KCNQ5: variants seen among roughly 807,000 people sequenced by gnomAD.
KCNQ5 encodes potassium voltage-gated channel subfamily KQT member 5.
KCNQ5 carries 30 observed loss-of-function variants against 98.2 expected under a neutral mutation model. The observed-to-expected ratio is 0.31, with a 90% confidence interval of 0.23 to 0.41. KCNQ5 has a LOEUF of 0.41. Among genes scored for constraint, KCNQ5 ranks in the 10% least tolerant of loss-of-function variants. The pLI, the probability that KCNQ5 is intolerant of heterozygous loss-of-function variation, is 1.00. For synonymous variants in KCNQ5, 458 were observed against 449.4 expected, an observed-to-expected ratio of 1.02 and a Z score of -0.24; for missense variants, 835 against 1,182.5, an observed-to-expected ratio of 0.71 and a Z score of 4.31.
chr6:72,924,609 A>G (rs1034545045), intron 1 of KCNQ5, among the ~76,000 whole-genome samples: 2 of 152,188 alleles, frequency 1.3e-5, no homozygotes, highest in Non-Finnish European at 2.9e-5. Flanking sequence ...GCTCTCACGC[A>G]GGTGGAAGAC....
intron 1 of KCNQ5, among the ~76,000 whole-genome samples, chr6:72,812,231 G>A (rs375165359): frequency 3.4e-4 from 51 of 152,198 alleles, no homozygotes; most frequent in Middle Eastern, 6.8e-3. Context: ...TATGATACTA[G>A]TCCTGCCGAC....
chr6:72,655,018 G>GTCGGTCTTTCTTTCCCTCTT (rs1554683229), intron 1 of KCNQ5, among the ~76,000 whole-genome samples: 5 of 90,594 alleles, frequency 5.5e-5, no homozygotes, highest in Non-Finnish European at 1.0e-4. Flanking sequence ...AATAGCCAAG[G>GTCGGTCTTTCTTTCCCTCTT]TCTGTCTGTC....
rs575589981 is a variant in KCNQ5, at chr6:72,795,899, C to T, written c.398+173312C>T. Among the ~76,000 whole-genome samples, 8 of 151,784 alleles carry T rather than the reference C, an allele frequency of 5.3e-5. 1 individual carries two copies. In the South Asian group the frequency reaches 1.7e-3, roughly 32 times the overall value. On this transcript the variant is annotated intron_variant, in intron 1 of 13. Coordinates refer to ENST00000370398, the MANE Select transcript of KCNQ5 (RefSeq NM_019842.4). ...TTTTTGTATATATATATATATGTTC[C>T]TCTGCTCACTATTTCTCCTAATTAT...
rs1400702332 is a variant in KCNQ5, at chr6:72,811,070, A to G, written c.398+188483A>G. ...AAACTCATGCATGGCATCATTGCAC[A>G]TGGCATTGCTCAAGCACAGATCTCG... On this transcript the variant is annotated intron_variant, in intron 1 of 13. Transcript: ENST00000370398. Among the ~76,000 whole-genome samples the G allele has an allele frequency of 4.6e-5, 7 of 152,230 alleles. No homozygotes were observed. The East Asian group carries it at 1.2e-3, about 25-fold the overall frequency.
At chr6:73,068,426 T>G (rs990361461) in intron 3 of KCNQ5, among the ~76,000 whole-genome samples, 1 of 152,218 alleles carries the variant, frequency 6.6e-6, no homozygotes, top group Non-Finnish European at 1.5e-5. Context: ...TTCTAAGACA[T>G]AATGTTTTGT....
At chr6:72,828,061 GTTCTTTATTCTGT>G (rs1266221724) in intron 1 of KCNQ5, among the ~76,000 whole-genome samples, 1 of 152,050 alleles carries the variant, frequency 6.6e-6, no homozygotes, top group African/African-American at 2.4e-5. Flanking sequence ...TAATTGTTGG[GTTCTTTATTCTGT>G]TCCATTCTTC....
intron 1 of KCNQ5, among the ~76,000 whole-genome samples, chr6:72,839,837 A>G (rs1215546533): frequency 2.6e-5 from 4 of 152,246 alleles, no homozygotes; most frequent in Non-Finnish European, 5.9e-5. Flanking sequence ...CTCAAAATAT[A>G]TAATACAACA....
intron 1 of KCNQ5, among the ~76,000 whole-genome samples, chr6:72,997,556 A>C (rs886815356): frequency 6.6e-6 from 1 of 151,432 alleles, no homozygotes; most frequent in Non-Finnish European, 1.5e-5. Context: ...CGGGCGGATC[A>C]CGAGGTCAGA....
chr6:72,818,176 T>A (rs1775586285), intron 1 of KCNQ5, among the ~76,000 whole-genome samples: 1 of 152,160 alleles, frequency 6.6e-6, no homozygotes, highest in Non-Finnish European at 1.5e-5. Context: ...CATTCACACA[T>A]ACTTATTTAA....
intron 11 of KCNQ5, among the ~76,000 whole-genome samples, chr6:73,172,547 G>T (rs1405698860): frequency 6.6e-6 from 1 of 152,094 alleles, no homozygotes; most frequent in Non-Finnish European, 1.5e-5. Context: ...AAGTTTGCAG[G>T]TATAAGTCCT....
intron 1 of KCNQ5, among the ~76,000 whole-genome samples, chr6:72,775,579 AGAAAAATAAC>A (rs780329345): frequency 0.6 from 90,459 of 151,858 alleles, 26,941 homozygotes; most frequent in Admixed American, 0.63. Flanking sequence ...ACAGGAGGGG[AGAAAAATAAC>A]TTTACAGTGG....
intron 1 of KCNQ5, among the ~76,000 whole-genome samples, chr6:72,771,604 T>C (rs892579219): frequency 1.3e-5 from 2 of 152,028 alleles, no homozygotes; most frequent in Middle Eastern, 3.4e-3. Flanking sequence ...AGGGTAACTA[T>C]GTGAGATGAT....
At chr6:73,001,886 G>A (rs942961934) in intron 1 of KCNQ5, among the ~76,000 whole-genome samples, 2 of 152,138 alleles carry the variant, frequency 1.3e-5, no homozygotes, top group Admixed American at 1.3e-4. Context: ...TTGGGAGGCT[G>A]AGGTGGGAGG....
At chr6:72,962,198 T>TAC (rs1221075114) in intron 1 of KCNQ5, among the ~76,000 whole-genome samples, 11 of 101,738 alleles carry the variant, frequency 1.1e-4, no homozygotes, top group African/African-American at 3.6e-4. Context: ...TATATATATA[T>TAC]ATACATATAT....
In KCNQ5 at chr6:73,003,986, C is replaced by T. The variant is rs1248428433; in HGVS notation, c.477C>T (p.Cys159=). ...IPEHTKLASS[C]LLILEFVMIV... ...AGCACACAAAATTGGCCTCAAGTTG[C>T]CTCTTGATCCTGGTAAGTGAAACAT... is the stretch of plus-strand genomic sequence containing the variant. The change falls in exon 2 of 14, where the codon TGC becomes TGT. Residue 159 remains cysteine (C), a synonymous_variant. Coordinates refer to ENST00000370398, the MANE Select transcript of KCNQ5 (RefSeq NM_019842.4). 8 of 1,597,660 alleles carry T rather than the reference C, an allele frequency of 5.0e-6. No individual in the cohort carries two copies. The Admixed American group carries it at 6.7e-5, about 13-fold the overall frequency.
intron 1 of KCNQ5, among the ~76,000 whole-genome samples, chr6:72,866,225 C>CTTATTCTA (rs1236136714): frequency 6.8e-6 from 1 of 146,480 alleles, no homozygotes; most frequent in Non-Finnish European, 1.5e-5. Flanking sequence ...CCCCATCATG[C>CTTATTCTA]TTATTCTAGT....
intron 1 of KCNQ5, among the ~76,000 whole-genome samples, chr6:72,774,370 G>A (rs1773060575): frequency 6.6e-6 from 1 of 152,060 alleles, no homozygotes; most frequent in African/African-American, 2.4e-5. Context: ...TGGATTGCAG[G>A]CTATAGTTTT....
intron 9 of KCNQ5, among the ~76,000 whole-genome samples, chr6:73,131,959 G>A (rs1194619137): frequency 1.3e-5 from 2 of 152,104 alleles, no homozygotes. Flanking sequence ...CTTGTTTATT[G>A]TTTCCAGAAC....
chr6:73,039,888 C>A (rs1470946656), intron 2 of KCNQ5, among the ~76,000 whole-genome samples: 1 of 152,060 alleles, frequency 6.6e-6, no homozygotes, highest in African/African-American at 2.4e-5. Context: ...TAGTGCTATG[C>A]CCATAGTTCT....
Sources: gnomAD v4.1 joint callset for allele counts (sites outside exome capture counted in the v4.1 genomes callset) on GRCh38, gnomAD v4.1.1 for gene constraint, MANE v1.5 for transcripts, NCBI Gene and HGNC (gene_info 2026-07-23, HGNC 2026-07-21) for gene names.